NLRP11: variants seen among roughly 807,000 people sequenced by gnomAD.
NLRP11 encodes NLR family pyrin domain containing 11, also known as NACHT, LRR and PYD domains-containing protein 11.
Under a neutral mutation model 79.3 loss-of-function variants are expected in NLRP11, and 53 were observed. That is an observed-to-expected ratio of 0.67 (90% CI 0.54 to 0.84). The LOEUF (loss-of-function observed/expected upper bound fraction) is 0.84. Among genes scored for constraint, NLRP11 ranks in the 40% least tolerant of loss-of-function variants. The probability of loss-of-function intolerance (pLI) is 0.00; values close to 1 mark genes in which losing one functional copy is unlikely to be tolerated. For synonymous variants in NLRP11, 518 were observed against 462.6 expected, an observed-to-expected ratio of 1.12 and a Z score of -1.54; for missense variants, 1,264 against 1,255.0, an observed-to-expected ratio of 1.01 and a Z score of -0.11.
chr19:55,803,177 C>A (rs372829675), intron 4 of NLRP11, among the ~76,000 whole-genome samples: 1 of 151,930 alleles, frequency 6.6e-6, no homozygotes, highest in Non-Finnish European at 1.5e-5. Flanking sequence ...TGAAACCCTG[C>A]CTCTACTAAA....
In NLRP11 at chr19:55,789,377, T is replaced by G. The variant is rs1484088426; in HGVS notation, c.2536A>C (p.Ser846Arg). 1 of 1,613,682 alleles carries G rather than the reference T, an allele frequency of 6.2e-7. No individual in the cohort carries two copies. The highest frequency in any genetic ancestry group is 8.5e-7 in the Non-Finnish European group (1 of 1,179,852). The change falls in exon 8 of 10, where the codon AGC becomes CGC. Residue 846 changes from serine to arginine, a missense_variant. Coordinates refer to ENST00000589093, the Ensembl canonical transcript of NLRP11. ...ATGGCAATATATTGACAGATATCGCTGCTAAAGAAACAGCCAGACAGACTG... is the reference window on the plus strand; with the variant it reads ...ATGGCAATATATTGACAGATATCGCGGCTAAAGAAACAGCCAGACAGACTG...
chr19:55,812,840 C>T (rs904759314), intron 2 of NLRP11, among the ~76,000 whole-genome samples: 4 of 152,132 alleles, frequency 2.6e-5, no homozygotes, highest in Non-Finnish European at 5.9e-5. Context: ...TCTCCCTTGT[C>T]ACCTTTTATG....
chr19:55,799,969 A>G (rs1223178632), intron 5 of NLRP11, among the ~76,000 whole-genome samples: 1 of 152,188 alleles, frequency 6.6e-6, no homozygotes, highest in Non-Finnish European at 1.5e-5. Context: ...CTCTGTCTCA[A>G]AACAAAAATG....
rs879878927 is a variant in NLRP11 at position 55,798,004 on chromosome 19, T to A, written c.2172-1754A>T. Among the ~76,000 whole-genome samples the A allele has an allele frequency of 1.4e-3, 189 of 132,906 alleles. 2 individuals are homozygous for A. Among genetic ancestry groups the A allele is most frequent in the African/African-American group, 2.3e-3 (61 of 27,012 alleles). 87.2% of individuals were successfully genotyped at this position (132,906 alleles called of 152,430 possible). A position where few individuals can be genotyped will look rare whatever the true frequency, so the allele number is the denominator to read the frequency against. On this transcript the variant is annotated intron_variant, in intron 5 of 9. Coordinates refer to ENST00000589093, the Ensembl canonical transcript of NLRP11. ...GTGTATTCTATATTATTATTATTTT[T>A]TTTTTTTTTGAGATGGAGTTTTGCC...
At chr19:55,830,595 T>C (rs1982652106) in intron 1 of NLRP11, among the ~76,000 whole-genome samples, 1 of 93,828 alleles carries the variant, frequency 1.1e-5, no homozygotes, top group African/African-American at 6.6e-5. Flanking sequence ...CTTCTTAGCT[T>C]CCTAAAAAAA....
intron 1 of NLRP11, among the ~76,000 whole-genome samples, chr19:55,830,682 C>A (rs1982669884): frequency 6.6e-6 from 1 of 150,724 alleles, no homozygotes; most frequent in Non-Finnish European, 1.5e-5. Context: ...TTTTTTTACA[C>A]CAACCTTTTG....
chr19:55,792,465 G>A (rs1329029427), exon 7 of NLRP11: 1 of 1,613,802 alleles, frequency 6.2e-7, no homozygotes, highest in Non-Finnish European at 8.5e-7. Flanking sequence ...GACAGCAGAA[G>A]ACTAACCTGC....
intron 1 of NLRP11, among the ~76,000 whole-genome samples, chr19:55,824,808 T>C (rs561361278): frequency 9.7e-6 from 1 of 103,160 alleles, no homozygotes; most frequent in African/African-American, 7.5e-5. Flanking sequence ...CACGCATTAA[T>C]AATGGGAGAC....
chr19:55,807,704 T>C (rs893861963), intron 4 of NLRP11, 149 bp downstream of exon 4: 9 of 517,676 alleles, frequency 1.7e-5, no homozygotes, highest in Non-Finnish European at 1.7e-5. Flanking sequence ...ATAGACACAC[T>C]AAAGATGGTT....
intron 8 of NLRP11, 41 bp downstream of exon 8, chr19:55,789,188 T>C: frequency 1.3e-6 from 2 of 1,564,614 alleles, no homozygotes; most frequent in Non-Finnish European, 1.7e-6. Context: ...CTTCAGCTGT[T>C]GCTAGCTAAA....
intron 3 of NLRP11, among the ~76,000 whole-genome samples, chr19:55,808,539 A>AC (rs1340751857): frequency 6.6e-6 from 1 of 152,116 alleles, no homozygotes; most frequent in African/African-American, 2.4e-5. Context: ...TGCAAGATAG[A>AC]CCCCCACCAC....
chr19:55,806,667 G>A (rs1310030787), intron 4 of NLRP11, among the ~76,000 whole-genome samples: 1 of 152,148 alleles, frequency 6.6e-6, no homozygotes, highest in Non-Finnish European at 1.5e-5. Context: ...TAAAATGCAA[G>A]CTAAATTATG....
intron 2 of NLRP11, among the ~76,000 whole-genome samples, chr19:55,816,344 A>G (rs1568640093): frequency 6.6e-6 from 1 of 152,178 alleles, no homozygotes; most frequent in Non-Finnish European, 1.5e-5. Flanking sequence ...AACTGTAAAT[A>G]TATATGCATC....
Position 55,796,064 on chromosome 19 carries a change from G to C in NLRP11, c.2342+16C>G. 4 of 1,601,610 alleles carry C rather than the reference G, an allele frequency of 2.5e-6. No individual in the cohort carries two copies. Among genetic ancestry groups the C allele is most frequent in the Non-Finnish European group, 3.4e-6 (4 of 1,169,830 alleles). ...GTCTGAGCTTCTACGTGGTGAGCTC[G>C]TCTAAGCCAACTTACACCAGTGATA... On this transcript the variant is annotated intron_variant, in intron 6 of 9. Transcript: ENST00000589093.
At position 55,801,740 on chromosome 19, in the gene NLRP11, C is replaced by T; in HGVS notation, c.2004-1G>A. 1.2e-6 allele frequency: 2 copies of T among 1,613,910 alleles called. No homozygotes were observed. Among genetic ancestry groups the T allele is most frequent in the African/African-American group, 2.7e-5 (2 of 75,044 alleles). On this transcript the variant is annotated splice_acceptor_variant, in intron 4 of 9. Transcript: ENST00000589093. LOFTEE classifies it high-confidence loss of function. ...AGAAGCAGTCGAGACATAGGACAAC[C>T]TGTGGAAGACATAATAGCAGGAAAG...
chr19:55,831,893 G>A (rs1286664649), intron 1 of NLRP11, 70 bp downstream of exon 1: 1 of 152,042 alleles, frequency 6.6e-6, no homozygotes, highest in Non-Finnish European at 1.5e-5. Flanking sequence ...GAAAGCTAAA[G>A]AACCAATGTA....
Position 55,809,962 on chromosome 19 carries a change from G to A in NLRP11, c.648C>T (p.Asp216=). 1.2e-6 allele frequency: 2 copies of A among 1,614,176 alleles called. No individual in the cohort carries two copies. The highest frequency in any genetic ancestry group is 1.7e-6 in the Non-Finnish European group (2 of 1,180,014). ...GGAGTTTCTTGGGATCAGACAGGAT[G>A]TCTGCAATGGGAGCCTGGCCGTCAG... Residue 216 remains aspartate, a synonymous_variant, in exon 3 of 10, where the codon GAC becomes GAT. Coordinates refer to ENST00000589093, the Ensembl canonical transcript of NLRP11. This position sits in a 1 kb window ranked among gnomAD's most constrained non-coding sequence, Gnocchi z 4.5.
upstream of NLRP11, among the ~76,000 whole-genome samples, chr19:55,833,070 A>G (rs1272111432): frequency 2.0e-5 from 3 of 152,240 alleles, no homozygotes; most frequent in African/African-American, 7.2e-5. Context: ...CTAAAAAAAA[A>G]CTAATTGGAA....
exon 10 of NLRP11, chr19:55,785,467 A>C (rs17708567): frequency 0.065 from 42,531 of 656,764 alleles, 1,779 homozygotes; most frequent in Non-Finnish European, 0.077. Flanking sequence ...CAGTGTAGGA[A>C]TTTGAAGTGG....
Sources: gnomAD v4.1 joint callset for allele counts (sites outside exome capture counted in the v4.1 genomes callset) on GRCh38, gnomAD v4.1.1 for gene constraint, Gnocchi (gnomAD v3.1) non-coding constraint, MANE v1.5 for transcripts, NCBI Gene and HGNC (gene_info 2026-07-23, HGNC 2026-07-21) for gene names.